The following AGXT2 variants were observed in gnomAD, a reference collection of about 807,000 sequenced individuals.
AGXT2 encodes alanine--glyoxylate aminotransferase 2.
Under a neutral mutation model 62.5 loss-of-function variants are expected in AGXT2, and 61 were observed. The observed-to-expected ratio is 0.98, with a 90% CI of 0.79 to 1.21. AGXT2 has a LOEUF of 1.21. AGXT2 is among the 50% of genes most tolerant of loss of function. The pLI, the probability that AGXT2 is intolerant of heterozygous loss-of-function variation, is 0.00. For synonymous variants in AGXT2, 243 were observed against 218.7 expected, an observed-to-expected ratio of 1.11 and a Z score of -0.98; for missense variants, 666 against 641.5, an observed-to-expected ratio of 1.04 and a Z score of -0.41.
At chr5:35,019,251 C>T (rs344146) in intron 9 of AGXT2, among the ~76,000 whole-genome samples, 265 of 143,604 alleles carry the variant, frequency 1.8e-3, no homozygotes, top group African/African-American at 7.0e-3. Context: ...AACTCTCCAC[C>T]CCAAATCAAC....
chr5:35,032,930 C>G, intron 6 of AGXT2, 105 bp from the exon 7 acceptor site: 1 of 893,828 alleles, frequency 1.1e-6, no homozygotes, highest in Non-Finnish European at 1.8e-6. Context: ...TAGTTTTCCT[C>G]CCTCATTCTT....
At chr5:35,041,514 C>T (rs191302360) in intron 1 of AGXT2, among the ~76,000 whole-genome samples, 71 of 152,266 alleles carry the variant, frequency 4.7e-4, no homozygotes, top group African/African-American at 1.7e-3. Context: ...CCAGCACAGA[C>T]TTTGGCCCCC....
At chr5:35,006,526 T>A (rs560771894) in intron 12 of AGXT2, among the ~76,000 whole-genome samples, 1 of 151,818 alleles carries the variant, frequency 6.6e-6, no homozygotes, top group Admixed American at 6.6e-5. Flanking sequence ...GGAGGTGCCA[T>A]ACATTTTTAA....
intron 4 of AGXT2, 123 bp from the exon 5 acceptor site, chr5:35,035,439 C>T (rs1205832647): frequency 2.7e-5 from 21 of 792,272 alleles, no homozygotes; most frequent in South Asian, 4.2e-5. Flanking sequence ...CAGACCAGCT[C>T]GGGTTACCCA....
At chr5:35,015,567 A>T (rs1766819754) in intron 9 of AGXT2, among the ~76,000 whole-genome samples, 2 of 152,076 alleles carry the variant, frequency 1.3e-5, no homozygotes, top group Admixed American at 6.6e-5. Flanking sequence ...GTGAGCTTCC[A>T]GGCTGGGCAC....
intron 9 of AGXT2, among the ~76,000 whole-genome samples, chr5:35,016,060 CTAA>C (rs1766840016): frequency 6.6e-6 from 1 of 152,118 alleles, no homozygotes; most frequent in Non-Finnish European, 1.5e-5. Flanking sequence ...CTCCTTCCTA[CTAA>C]TGAGCCTCTG....
chr5:35,040,653 G>A lies in AGXT2; in HGVS notation c.99C>T (p.Ser33=), dbSNP rs752552443. The A allele has an allele frequency of 8.1e-6, 13 of 1,613,524 alleles. No homozygotes were observed. The highest frequency in any genetic ancestry group is 1.3e-5 in the African/African-American group (1 of 74,874). ...GACTGAGCTTGGTTACTGATGTCCG[G>A]GAAGTACCTACTGAAAGTGAAGTGA... is the stretch of plus-strand genomic sequence containing the variant. ...EMHPFLSLGT[S]RTSVTKLSLH... is the part of the protein sequence containing the mutation. Residue 33 remains serine, a synonymous_variant, in exon 2 of 14, where the codon TCC becomes TCT. Coordinates refer to ENST00000231420, the MANE Select transcript of AGXT2 (RefSeq NM_031900.4).
intron 3 of AGXT2, among the ~76,000 whole-genome samples, chr5:35,037,727 G>A (rs1767835947): frequency 6.6e-6 from 1 of 152,308 alleles, no homozygotes; most frequent in South Asian, 2.1e-4. Context: ...AAGATGAACA[G>A]TTTTTCTGCA....
In AGXT2 at chr5:35,025,872, C is replaced by T; in HGVS notation, c.871-17G>A. 6.2e-7 allele frequency: 1 copy of T among 1,607,062 alleles called. No individual in the cohort carries two copies. Among genetic ancestry groups the T allele is most frequent in the Non-Finnish European group, 8.5e-7 (1 of 1,173,668 alleles). ...ATTCACACCCTGCAAAAGACCAGAC[C>T]AAGAAGACCTATAATAATAGCATCA... is the stretch of plus-strand genomic sequence containing the variant. On this transcript the variant is annotated splice_polypyrimidine_tract_variant and intron_variant, in intron 8 of 13. Transcript: ENST00000231420.
intron 13 of AGXT2, 102 bp from the exon 14 acceptor site, chr5:34,998,928 G>T: frequency 1.2e-6 from 1 of 839,944 alleles, no homozygotes; most frequent in Non-Finnish European, 2.0e-6. Context: ...TGTTTAGGAT[G>T]TTTCTCATGT....
chr5:35,042,377 A>G (rs1369040778), intron 1 of AGXT2, among the ~76,000 whole-genome samples: 1 of 152,192 alleles, frequency 6.6e-6, no homozygotes, highest in Non-Finnish European at 1.5e-5. Context: ...GAAAGAAGAA[A>G]GAGGAAGGAA....
intron 1 of AGXT2, among the ~76,000 whole-genome samples, chr5:35,041,108 C>T (rs1015184192): frequency 1.7e-4 from 26 of 149,886 alleles, no homozygotes; most frequent in Admixed American, 4.7e-4. Flanking sequence ...TCAATACACA[C>T]GGCATTAATG....
At chr5:35,018,455 T>G (rs1413454375) in intron 9 of AGXT2, among the ~76,000 whole-genome samples, 1 of 152,072 alleles carries the variant, frequency 6.6e-6, no homozygotes, top group Non-Finnish European at 1.5e-5. Flanking sequence ...AACCCAGAAT[T>G]TCATATCCAG....
chr5:35,013,220 T>C lies in AGXT2; in HGVS notation c.1097-175A>G, dbSNP rs150278377. ...GAATTGTATCGCCTCAAAATTTATA[T>C]GGCTGAAGCCTTAACCCTGAATAAG... On this transcript the variant is annotated intron_variant, in intron 10 of 13. Transcript: ENST00000231420. Among the ~76,000 whole-genome samples the C allele has an allele frequency of 2.2e-3, 330 of 152,382 alleles. 6 individuals carry two copies. Among genetic ancestry groups the C allele is most frequent in the East Asian group, 0.017 (89 of 5,190 alleles).
intron 9 of AGXT2, among the ~76,000 whole-genome samples, chr5:35,022,646 C>T (rs557707438): frequency 6.6e-6 from 1 of 150,554 alleles, no homozygotes; most frequent in African/African-American, 2.4e-5. Flanking sequence ...GTGGGTGCAG[C>T]GCACCAGCAT....
At chr5:35,039,558 C>T in intron 2 of AGXT2, 50 bp from the exon 3 acceptor site, 5 of 1,583,598 alleles carry the variant, frequency 3.2e-6, no homozygotes, top group Non-Finnish European at 4.3e-6. Context: ...AGATCAATAG[C>T]AGTCAATCTA....
intron 9 of AGXT2, 21 bp from the exon 10 acceptor site, chr5:35,014,140 C>T (rs774667915): frequency 1.8e-5 from 29 of 1,613,774 alleles, no homozygotes; most frequent in Non-Finnish European, 2.5e-5. Context: ...AAGTTCAAAA[C>T]CATTGGAAAC....
chr5:35,014,618 A>G (rs17246034), intron 9 of AGXT2, among the ~76,000 whole-genome samples: 33,728 of 151,958 alleles, frequency 0.22, 4,079 homozygotes, highest in South Asian at 0.31. Context: ...ATCAAGAGTC[A>G]TTTCCTAGCT....
intron 1 of AGXT2, among the ~76,000 whole-genome samples, chr5:35,041,525 C>A (rs1432283792): frequency 6.6e-6 from 1 of 152,106 alleles, no homozygotes; most frequent in East Asian, 1.9e-4. Context: ...TTTGGCCCCC[C>A]TGCAGCAGTG....
Sources: allele counts gnomAD v4.1 joint callset (sites outside exome capture counted in the v4.1 genomes callset), GRCh38; gene constraint gnomAD v4.1.1; transcripts MANE v1.5; gene names NCBI Gene and HGNC (gene_info 2026-07-23, HGNC 2026-07-21).